The following GLS variants were observed in gnomAD, a reference collection of about 807,000 sequenced individuals.
The protein encoded by GLS is glutaminase kidney isoform, mitochondrial.
A neutral mutation model predicts 86.7 loss-of-function variants in GLS; 36 were observed. The observed-to-expected ratio is 0.42, with a 90% CI of 0.32 to 0.55. The LOEUF (loss-of-function observed/expected upper bound fraction) is 0.55. Ranked by LOEUF, GLS falls within the 20% of genes least tolerant of loss-of-function variation. GLS has a pLI of 0.17. For missense variants in GLS, 528 were observed against 833.4 expected, an observed-to-expected ratio of 0.63 and a Z score of 4.51; for synonymous variants, 317 against 305.9, an observed-to-expected ratio of 1.04 and a Z score of -0.38.
At chr2:190,889,190 A>G (rs1688485401) in intron 1 of GLS, among the ~76,000 whole-genome samples, 1 of 152,220 alleles carries the variant, frequency 6.6e-6, no homozygotes, top group Non-Finnish European at 1.5e-5. Flanking sequence ...AATGACCTAA[A>G]CAAGTTCAGA....
At chr2:190,904,970 TGA>T in intron 5 of GLS, 32 bp from the exon 6 acceptor site, 1 of 1,246,958 alleles carries the variant, frequency 8.0e-7, no homozygotes, top group Admixed American at 1.9e-5. Context: ...TTTTCCCAGT[TGA>T]TGTTATTTTT....
chr2:190,908,612 T>C (rs1474684683), intron 6 of GLS, among the ~76,000 whole-genome samples: 3 of 152,198 alleles, frequency 2.0e-5, no homozygotes, highest in Non-Finnish European at 4.4e-5. Flanking sequence ...AAATTAAAAA[T>C]TCTAAATTAA....
At chr2:190,959,646 TTCTC>T (rs1690953002) in intron 17 of GLS, among the ~76,000 whole-genome samples, 3 of 152,146 alleles carry the variant, frequency 2.0e-5, no homozygotes, top group African/African-American at 4.8e-5. Context: ...ACACTGAATG[TTCTC>T]TCTTAGGATT....
At chr2:190,940,275 A>T (rs1375420363) in intron 14 of GLS, among the ~76,000 whole-genome samples, 1 of 152,026 alleles carries the variant, frequency 6.6e-6, no homozygotes, top group African/African-American at 2.4e-5. Context: ...TGAATATTTG[A>T]ATTGAGATGA....
Position 190,964,563 on chromosome 2 carries a change from C to G in GLS, c.*1577C>G, listed in dbSNP as rs1345792429. 6.6e-6 allele frequency: 1 copy of G among 152,172 alleles called. No individual in the cohort carries two copies. The highest frequency in any genetic ancestry group is 2.4e-5 in the African/African-American group (1 of 41,456). The allele number at this position is 152,172 out of a possible 1,614,324, so 9.4% of individuals were successfully genotyped here. A position where few individuals can be genotyped will look rare whatever the true frequency, so the allele number is the denominator to read the frequency against. On this transcript the variant is annotated 3_prime_UTR_variant, in exon 18 of 18. Transcript: ENST00000320717. The surrounding 1 kb of genome is among the most constrained non-coding windows in gnomAD (Gnocchi z 5.2). ...GCCAGTGGCTCCTGCCACTGCCCTC[C>G]CATTACCTAGATGGCACCTCCTTTG...
At position 190,949,207 on chromosome 2, in the gene GLS, C is replaced by T. The variant is rs971186490; in HGVS notation, c.1651-4358C>T. On this transcript the variant is annotated intron_variant, in intron 14 of 17. Transcript: ENST00000320717. This position sits in a 1 kb window ranked among gnomAD's most constrained non-coding sequence, Gnocchi z 4.0. Reference sequence around the variant, plus strand: ...GAACCTTGAATACAAGGCTGAAGAACTTAAATGTTATCAGGAATGATTTTG... The same window carrying T: ...GAACCTTGAATACAAGGCTGAAGAATTTAAATGTTATCAGGAATGATTTTG... 3.3e-5 allele frequency among the ~76,000 whole-genome samples: 5 copies of T among 152,046 alleles called. No homozygotes were observed. Among genetic ancestry groups the T allele is most frequent in the African/African-American group, 9.7e-5 (4 of 41,388 alleles).
intron 1 of GLS, among the ~76,000 whole-genome samples, chr2:190,888,739 T>G (rs543443552): frequency 6.6e-6 from 1 of 152,344 alleles, no homozygotes; most frequent in East Asian, 1.9e-4. Context: ...TGATTGGTTC[T>G]GCTTTAACCA....
chr2:190,904,943 A>C (rs1689081241), intron 5 of GLS, 61 bp from the exon 6 acceptor site: 1 of 934,670 alleles, frequency 1.1e-6, no homozygotes, highest in Non-Finnish European at 1.7e-6. Flanking sequence ...AATAATTCCA[A>C]CTATGCAGTT....
rs757623924 is a variant in GLS, at chr2:190,935,301, TTTTTG to T, written c.1650+3684_1650+3688del. ...TTATTTTAAGCTGATTTTATTGTTT[TTTTTG>T]TTTTGTTTTGTTTTGTTTTTATAAA... is the stretch of plus-strand genomic sequence containing the variant. On this transcript the variant is annotated intron_variant, in intron 14 of 17. Transcript: ENST00000320717. This position sits in a 1 kb window ranked among gnomAD's most constrained non-coding sequence, Gnocchi z 4.2. 2.2e-4 allele frequency: 110 copies of T among 493,180 alleles called. No individual in the cohort carries two copies. The highest frequency in any genetic ancestry group is 4.5e-4 in the Admixed American group (7 of 15,604). 30.6% of individuals were successfully genotyped at this position (493,180 alleles called of 1,614,324 possible). A position where few individuals can be genotyped will look rare whatever the true frequency, so the allele number is the denominator to read the frequency against.
At chr2:190,960,496 C>G (rs988489734) in intron 17 of GLS, among the ~76,000 whole-genome samples, 1 of 151,506 alleles carries the variant, frequency 6.6e-6, no homozygotes, top group Non-Finnish European at 1.5e-5. Context: ...TCCTGAGTAG[C>G]TGCAATCACA....
In GLS at chr2:190,895,536, T is replaced by C; in HGVS notation, c.484-68T>C. The C allele has an allele frequency of 9.0e-7, 1 of 1,109,546 alleles. No homozygotes were observed. The allele number at this position is 1,109,546 out of a possible 1,614,324, so 68.7% of individuals were successfully genotyped here. On this transcript the variant is annotated intron_variant, in intron 2 of 17. Coordinates refer to ENST00000320717, the MANE Select transcript of GLS (RefSeq NM_014905.5). This position sits in a 1 kb window ranked among gnomAD's most constrained non-coding sequence, Gnocchi z 4.2. ...GTTTTTATATACAGGAATAAAATCT[T>C]ATAGTTGGTATAAGCATATACATTA... is the stretch of plus-strand genomic sequence containing the variant.
At chr2:190,898,308 TC>T (rs1480433552) in intron 3 of GLS, among the ~76,000 whole-genome samples, 1 of 152,214 alleles carries the variant, frequency 6.6e-6, no homozygotes, top group Non-Finnish European at 1.5e-5. Context: ...AAATGATTAT[TC>T]CCGGCTTACA....
At chr2:190,932,647 C>A in intron 14 of GLS, 2 of 1,194,984 alleles carry the variant, frequency 1.7e-6, no homozygotes, top group South Asian at 5.2e-5. Flanking sequence ...TGAAAAATAC[C>A]ATTTTATAGC....
chr2:190,907,246 T>G (rs1689180145), intron 6 of GLS, among the ~76,000 whole-genome samples: 1 of 149,734 alleles, frequency 6.7e-6, no homozygotes, highest in Non-Finnish European at 1.5e-5. Context: ...AACAGTAGTT[T>G]TTTTTTTTTT....
At chr2:190,933,073 C>A (rs1452654440) in intron 14 of GLS, 1 of 1,002,756 alleles carries the variant, frequency 1.0e-6, no homozygotes, top group Non-Finnish European at 1.2e-6. Context: ...TTTACAAGTA[C>A]ATAAATTTGC....
At chr2:190,939,742 AATCCTT>A (rs1690373617) in intron 14 of GLS, among the ~76,000 whole-genome samples, 1 of 151,764 alleles carries the variant, frequency 6.6e-6, no homozygotes, top group African/African-American at 2.4e-5. Context: ...CTTAAAGCTT[AATCCTT>A]AAGGCTTGAC....
chr2:190,915,626 A>G (rs1464077185), intron 7 of GLS, among the ~76,000 whole-genome samples: 1 of 152,186 alleles, frequency 6.6e-6, no homozygotes, highest in African/African-American at 2.4e-5. Context: ...ATCTGTTTCT[A>G]GATGCGCCTT....
chr2:190,946,024 T>A (rs78997164), intron 14 of GLS, among the ~76,000 whole-genome samples: 1 of 152,174 alleles, frequency 6.6e-6, no homozygotes, highest in East Asian at 1.9e-4. Flanking sequence ...CAGTAAATCT[T>A]TGGAAAGCTT....
intron 1 of GLS, among the ~76,000 whole-genome samples, chr2:190,883,697 T>C (rs1216295895): frequency 6.6e-6 from 1 of 152,220 alleles, no homozygotes; most frequent in Non-Finnish European, 1.5e-5. Context: ...CTTGAGAAAT[T>C]GCTATACATC....
Sources: gnomAD v4.1 joint callset for allele counts (sites outside exome capture counted in the v4.1 genomes callset) on GRCh38, gnomAD v4.1.1 for gene constraint, Gnocchi (gnomAD v3.1) non-coding constraint, MANE v1.5 for transcripts, NCBI Gene and HGNC (gene_info 2026-07-23, HGNC 2026-07-21) for gene names.